Variants in PRKAG2 observed in about 807,000 individuals in gnomAD.
PRKAG2 encodes the protein protein kinase AMP-activated non-catalytic subunit gamma 2.
Under a neutral mutation model 69.6 loss-of-function variants are expected in PRKAG2, and 26 were observed. That is an observed-to-expected ratio of 0.37 (90% CI 0.27 to 0.52). PRKAG2 has a LOEUF of 0.52. Among genes scored for constraint, PRKAG2 ranks in the 20% least tolerant of loss-of-function variants. PRKAG2 has a pLI of 0.90. For synonymous variants in PRKAG2, 293 were observed against 285.0 expected, an observed-to-expected ratio of 1.03 and a Z score of -0.28; for missense variants, 557 against 740.0, an observed-to-expected ratio of 0.75 and a Z score of 2.87.
rs545908798 is a variant in PRKAG2, at chr7:151,804,758, G to A, written c.115-18217C>T. Among the ~76,000 whole-genome samples the A allele has an allele frequency of 5.9e-5, 9 of 152,170 alleles. 2 individuals carry two copies. The highest frequency in any genetic ancestry group is 1.9e-4 in the African/African-American group (8 of 41,510). ...TGGTGTTCCATCGCGGCACAGAGTC[G>A]GCACTTGAGGTGGCATCCTGTGGAA... is the stretch of plus-strand genomic sequence containing the variant. On this transcript the variant is annotated intron_variant, in intron 1 of 15. Coordinates refer to ENST00000287878, the MANE Select transcript of PRKAG2 (RefSeq NM_016203.4).
intron 3 of PRKAG2, among the ~76,000 whole-genome samples, chr7:151,701,262 T>C (rs185067939): frequency 1.2e-3 from 178 of 152,342 alleles, no homozygotes; most frequent in African/African-American, 4.2e-3. Context: ...AGGCAGCCAC[T>C]GGCCTCACAT....
In PRKAG2 at chr7:151,632,194, C is replaced by CGGG; in HGVS notation, c.685-57_685-56insCCC. 1 of 1,196,706 alleles carries CGGG rather than the reference C, an allele frequency of 8.4e-7. No individual in the cohort carries two copies. Among genetic ancestry groups the CGGG allele is most frequent in the South Asian group, 2.9e-5 (1 of 34,584 alleles). 74.1% of individuals were successfully genotyped at this position (1,196,706 alleles called of 1,614,324 possible). ...ATGAGCTGCGACGCTCGTCCCCGGC[C>CGGG]GGCGGGCTCGCGGCCGGCCGAGCGC... On this transcript the variant is annotated intron_variant, in intron 4 of 15. Coordinates refer to ENST00000287878, the MANE Select transcript of PRKAG2 (RefSeq NM_016203.4). The surrounding 1 kb of genome is among the most constrained non-coding windows in gnomAD (Gnocchi z 4.2).
intron 3 of PRKAG2, among the ~76,000 whole-genome samples, chr7:151,691,505 CAGA>C (rs1835665805): frequency 6.8e-6 from 1 of 146,384 alleles, no homozygotes; most frequent in Admixed American, 6.8e-5. Context: ...AAAAAGTGGA[CAGA>C]AGATTTAAAC....
intron 1 of PRKAG2, among the ~76,000 whole-genome samples, chr7:151,818,132 T>C (rs1563726322): frequency 6.6e-6 from 1 of 152,154 alleles, no homozygotes. Context: ...AGCCAGACAT[T>C]GGGGCCTTAT....
intron 1 of PRKAG2, among the ~76,000 whole-genome samples, chr7:151,801,651 G>A (rs534536063): frequency 4.6e-5 from 7 of 152,308 alleles, no homozygotes; most frequent in African/African-American, 1.4e-4. Context: ...GAATTTGCTA[G>A]GTTTTCTTAT....
At chr7:151,704,440 T>G (rs1275665415) in intron 3 of PRKAG2, among the ~76,000 whole-genome samples, 2 of 152,222 alleles carry the variant, frequency 1.3e-5, no homozygotes, top group African/African-American at 4.8e-5. Context: ...GCCACACTGC[T>G]GCATGTGGCT....
At chr7:151,667,069 G>A (rs898845011) in intron 4 of PRKAG2, among the ~76,000 whole-genome samples, 7 of 152,298 alleles carry the variant, frequency 4.6e-5, no homozygotes, top group South Asian at 2.1e-4. Flanking sequence ...GACAGCTGTC[G>A]TCTACTGACT....
intron 5 of PRKAG2, among the ~76,000 whole-genome samples, chr7:151,626,839 T>C (rs1823059088): frequency 6.6e-6 from 1 of 150,596 alleles, no homozygotes; most frequent in South Asian, 2.1e-4. Flanking sequence ...CCCACGACAT[T>C]TTAATAGCAC....
Position 151,565,299 on chromosome 7 carries a change from T to C in PRKAG2, c.1437+47A>G, listed in dbSNP as rs73156279. The C allele has an allele frequency of 0.031, 40,574 of 1,312,874 alleles. 722 individuals carry two copies. The highest frequency in any genetic ancestry group is 0.059 in the Middle Eastern group (313 of 5,306). The allele number at this position is 1,312,874 out of a possible 1,614,324, so 81.3% of individuals were successfully genotyped here. A position where few individuals can be genotyped will look rare whatever the true frequency, so the allele number is the denominator to read the frequency against. ...ACATAAAAACACATTACATGAATGT[T>C]TAAAATGCATTCTAGGTGACAGATT... On this transcript the variant is annotated intron_variant, in intron 13 of 15. Transcript: ENST00000287878.
intron 3 of PRKAG2, among the ~76,000 whole-genome samples, chr7:151,701,791 C>T (rs924293691): frequency 2.0e-5 from 3 of 149,330 alleles, no homozygotes; most frequent in African/African-American, 5.0e-5. Context: ...TGCAGTGAGC[C>T]GAGATTGCGC....
chr7:151,748,860 C>T lies in PRKAG2; in HGVS notation c.466+32292G>A, dbSNP rs558539652. 9.7e-4 allele frequency among the ~76,000 whole-genome samples: 148 copies of T among 152,380 alleles called. 1 individual carries two copies. The highest frequency in any genetic ancestry group is 3.2e-3 in the African/African-American group (133 of 41,594). The stretch of plus-strand genomic sequence containing the variant: ...GTGCCACCTGGCCTTCGCCCCGCCG[C>T]GCCCGCAGCCAGAGAGATGAGCTGG... On this transcript the variant is annotated intron_variant, in intron 3 of 15. Coordinates refer to ENST00000287878, the MANE Select transcript of PRKAG2 (RefSeq NM_016203.4).
intron 4 of PRKAG2, among the ~76,000 whole-genome samples, chr7:151,647,416 G>A (rs1827755241): frequency 6.6e-6 from 1 of 152,176 alleles, no homozygotes; most frequent in Non-Finnish European, 1.5e-5. Context: ...AGTTATAATT[G>A]GGGAAATCAG....
chr7:151,566,914 G>T (rs1367424841), intron 11 of PRKAG2, among the ~76,000 whole-genome samples: 1 of 152,126 alleles, frequency 6.6e-6, no homozygotes. Context: ...AAAACCTTTA[G>T]TTAGCTGAAT....
intron 4 of PRKAG2, among the ~76,000 whole-genome samples, chr7:151,651,211 G>T (rs1004560228): frequency 2.0e-5 from 3 of 152,204 alleles, no homozygotes; most frequent in Non-Finnish European, 4.4e-5. Context: ...GTAACAAAAT[G>T]TGTTCCTATT....
Position 151,658,322 on chromosome 7 carries a change from C to T in PRKAG2, c.684+17098G>A, listed in dbSNP as rs1218887935. Among the ~76,000 whole-genome samples the T allele has an allele frequency of 2.6e-5, 4 of 151,176 alleles. No individual in the cohort carries two copies. In the East Asian group the frequency reaches 7.8e-4, roughly 29 times the overall value. On this transcript the variant is annotated intron_variant, in intron 4 of 15. Coordinates refer to ENST00000287878, the MANE Select transcript of PRKAG2 (RefSeq NM_016203.4). ...CCAACATGGTGAAACCCCGTCTCTA[C>T]TAAAAATACAAAATTAGCCAGGCGT...
At chr7:151,676,278 G>T (rs57186094) in intron 3 of PRKAG2, among the ~76,000 whole-genome samples, 2 of 149,404 alleles carry the variant, frequency 1.3e-5, no homozygotes, top group East Asian at 4.2e-4. Context: ...GGAGGGGAGG[G>T]GAGGGGATGG....
In PRKAG2 at chr7:151,567,638, C is replaced by T. The variant is rs751258922; in HGVS notation, c.1233+1078G>A. Among the ~76,000 whole-genome samples, 6 of 152,278 alleles carry T rather than the reference C, an allele frequency of 3.9e-5. No individual in the cohort carries two copies. The highest frequency in any genetic ancestry group is 3.4e-3 in the Middle Eastern group (1 of 294). On this transcript the variant is annotated intron_variant, in intron 11 of 15. Transcript: ENST00000287878. This position sits in a 1 kb window ranked among gnomAD's most constrained non-coding sequence, Gnocchi z 4.2. Reference sequence around the variant, plus strand: ...CCCTAATCCCTTTTTCCTAGATTATCGCCTTTATTAAACTTCAGACTTGAG... The same window carrying T: ...CCCTAATCCCTTTTTCCTAGATTATTGCCTTTATTAAACTTCAGACTTGAG...
At chr7:151,707,091 G>C (rs184420764) in intron 3 of PRKAG2, among the ~76,000 whole-genome samples, 35 of 151,964 alleles carry the variant, frequency 2.3e-4, no homozygotes, top group African/African-American at 7.2e-4. Flanking sequence ...GCTCACAGGG[G>C]ACCACAAGTC....
intron 5 of PRKAG2, among the ~76,000 whole-genome samples, chr7:151,605,123 T>A (rs1406104022): frequency 6.6e-6 from 1 of 152,022 alleles, no homozygotes; most frequent in Non-Finnish European, 1.5e-5. Context: ...TTCAAGCAAT[T>A]CTTGTTCCTC....
Sources: allele counts gnomAD v4.1 joint callset (sites outside exome capture counted in the v4.1 genomes callset), GRCh38; gene constraint gnomAD v4.1.1; non-coding constraint Gnocchi (gnomAD v3.1); transcripts MANE v1.5; gene names NCBI Gene and HGNC (gene_info 2026-07-23, HGNC 2026-07-21).